USP54: variants seen among roughly 807,000 people sequenced by gnomAD.
USP54 encodes ubiquitin carboxyl-terminal hydrolase 54.
A neutral mutation model predicts 170.5 loss-of-function variants in USP54; 87 were observed. The observed-to-expected ratio is 0.51, with a 90% CI of 0.43 to 0.61. USP54 has a LOEUF of 0.61. Ranked by LOEUF, USP54 falls within the 20% of genes least tolerant of loss-of-function variation. The pLI, the probability that USP54 is intolerant of heterozygous loss-of-function variation, is 0.00. For synonymous variants in USP54, 655 were observed against 742.8 expected (o/e 0.88, Z 1.92); for missense variants, 1,786 against 2,047.8 (o/e 0.87, Z 2.47).
intron 23 of USP54, 86 bp downstream of exon 23, chr10:73,500,568 CT>C: frequency 2.3e-6 from 3 of 1,311,424 alleles, no homozygotes; most frequent in Admixed American, 2.6e-5. Context: ...GGATACCCCC[CT>C]CCCCATAGGT....
intron 4 of USP54, among the ~76,000 whole-genome samples, chr10:73,567,790 T>G (rs1194609949): frequency 1.3e-5 from 2 of 152,248 alleles, no homozygotes; most frequent in African/African-American, 4.8e-5. Context: ...TCATATCATC[T>G]GCAAATAATG....
At chr10:73,577,087 C>T (rs1454392899) in intron 1 of USP54, among the ~76,000 whole-genome samples, 1 of 152,138 alleles carries the variant, frequency 6.6e-6, no homozygotes, top group Non-Finnish European at 1.5e-5. Context: ...AGAGTAATAC[C>T]AAAGCAAGTA....
At chr10:73,544,518 A>G (rs1035063422) in intron 5 of USP54, among the ~76,000 whole-genome samples, 1 of 152,128 alleles carries the variant, frequency 6.6e-6, no homozygotes, top group Admixed American at 6.6e-5. Flanking sequence ...CATGTCCAGG[A>G]ATGTAATTGC....
chr10:73,517,669 G>C lies in USP54; in HGVS notation c.2757C>G (p.Ala919=). Reference sequence around the variant, plus strand: ...AAGCAGGTGAATGGAAGAAAGAACTGGCCCCAAACTCTGTATCCATGCCGG... The same window carrying C: ...AAGCAGGTGAATGGAAGAAAGAACTCGCCCCAAACTCTGTATCCATGCCGG... ...LESGMDTEFG[A]SSFFHSPASC... Residue 919 remains alanine, a synonymous_variant, in exon 20 of 24, where the codon GCC becomes GCG. Transcript: ENST00000687698. The C allele has an allele frequency of 6.2e-7, 1 of 1,614,178 alleles. No individual in the cohort carries two copies. The highest frequency in any genetic ancestry group is 8.5e-7 in the Non-Finnish European group (1 of 1,180,036).
intron 22 of USP54, among the ~76,000 whole-genome samples, chr10:73,501,940 A>G (rs924309501): frequency 3.3e-5 from 5 of 152,100 alleles, no homozygotes; most frequent in Admixed American, 1.3e-4. Context: ...CAAAAAAACC[A>G]CTATTACCTC....
chr10:73,583,755 T>TA (rs577232389), intron 1 of USP54, among the ~76,000 whole-genome samples: 40 of 140,798 alleles, frequency 2.8e-4, no homozygotes, highest in Non-Finnish European at 3.4e-4. Context: ...TCTTTAAAAA[T>TA]AAAAAAAAAA....
intron 1 of USP54, among the ~76,000 whole-genome samples, chr10:73,601,710 A>G (rs761256393): frequency 6.6e-6 from 1 of 152,182 alleles, no homozygotes; most frequent in African/African-American, 2.4e-5. Context: ...TTGTATGTTT[A>G]AAGTGACACC....
intron 4 of USP54, among the ~76,000 whole-genome samples, chr10:73,555,157 T>C (rs980890667): frequency 6.6e-6 from 1 of 152,200 alleles, no homozygotes; most frequent in African/African-American, 2.4e-5. Context: ...CAAAAGTTAT[T>C]AATGTCTTAA....
At chr10:73,598,173 A>G (rs778166799) in intron 1 of USP54, among the ~76,000 whole-genome samples, 16 of 152,222 alleles carry the variant, frequency 1.1e-4, no homozygotes, top group Non-Finnish European at 2.1e-4. Context: ...GTTCAGTACT[A>G]TTCATGGTTC....
chr10:73,560,663 C>CAA (rs751168962), intron 4 of USP54, among the ~76,000 whole-genome samples: 645 of 16,462 alleles, frequency 0.039, 114 homozygotes, highest in African/African-American at 0.12. Context: ...AACTCCGTCT[C>CAA]AAAAAAAAAA....
Position 73,498,836 on chromosome 10 carries a change from T to G in USP54, c.4848A>C (p.Ser1616=). 6.2e-7 allele frequency: 1 copy of G among 1,611,350 alleles called. No homozygotes were observed. Among genetic ancestry groups the G allele is most frequent in the Non-Finnish European group, 8.5e-7 (1 of 1,178,702 alleles). ...CTGGAACAGGATCTGAATTCCAAGC[T>G]GACCTCAGGGGTACATGAAGACTGC... ...PSSSLHVPLR[S]AWNSDPVPGS... The change falls in exon 24 of 24, where the codon TCA becomes TCC. Residue 1616 remains serine (S), a synonymous_variant. Coordinates refer to ENST00000687698, the MANE Select transcript of USP54 (RefSeq NM_001391956.1).
chr10:73,567,735 A>G (rs1211493070), intron 4 of USP54, among the ~76,000 whole-genome samples: 1 of 152,046 alleles, frequency 6.6e-6, no homozygotes, highest in African/African-American at 2.4e-5. Flanking sequence ...ATACTCTCTC[A>G]TTGCTGCTTC....
intron 9 of USP54, 145 bp from the exon 10 acceptor site, chr10:73,539,738 AATC>A: frequency 4.3e-6 from 4 of 933,122 alleles, no homozygotes; most frequent in Non-Finnish European, 6.1e-6. Flanking sequence ...AGTTTAGATT[AATC>A]ATCAGAATTT....
chr10:73,516,238 G>C (rs1321460996), intron 20 of USP54, 137 bp downstream of exon 20: 5 of 1,013,542 alleles, frequency 4.9e-6, no homozygotes, highest in Non-Finnish European at 5.7e-6. Flanking sequence ...AAGGCTTTCT[G>C]AGTAAAGTCA....
Position 73,498,830 on chromosome 10 carries a change from C to A in USP54, c.4854G>T (p.Trp1618Cys). ...GGGACCCTGGAACAGGATCTGAATTCCAAGCTGACCTCAGGGGTACATGAA... is the reference window on the plus strand; with the variant it reads ...GGGACCCTGGAACAGGATCTGAATTACAAGCTGACCTCAGGGGTACATGAA... ...SSLHVPLRSA[W>C]NSDPVPGSRT... Residue 1618 changes from tryptophan to cysteine, a missense_variant, in exon 24 of 24, where the codon TGG (tryptophan) becomes TGT (cysteine). Physicochemically the swap from Trp to Cys is radical, Grantham distance 215. Transcript: ENST00000687698. The A allele has an allele frequency of 6.2e-7, 1 of 1,612,584 alleles. No homozygotes were observed. The highest frequency in any genetic ancestry group is 1.3e-5 in the African/African-American group (1 of 74,892).
intron 22 of USP54, 89 bp from the exon 23 acceptor site, chr10:73,500,927 G>A: frequency 4.4e-6 from 6 of 1,376,984 alleles, no homozygotes; most frequent in Non-Finnish European, 5.8e-6. Context: ...GCAAGCAAAG[G>A]GAAATGGAGG....
chr10:73,518,718 A>ATT (rs772422371), intron 19 of USP54: 193 of 130,904 alleles, frequency 1.5e-3, no homozygotes, highest in East Asian at 7.3e-3. Context: ...TAGACCTGCA[A>ATT]TTTTTTTTTT....
In USP54 at chr10:73,516,399, C is replaced by T. The variant is rs550276020; in HGVS notation, c.4027G>A (p.Ala1343Thr). The T allele has an allele frequency of 2.7e-5, 43 of 1,612,406 alleles. No homozygotes were observed. The highest frequency in any genetic ancestry group is 1.7e-4 in the Middle Eastern group (1 of 5,956). Reference protein sequence around the residue: ...GCSGWGQQDTAWHPLSQTGSA... With the variant: ...GCSGWGQQDTTWHPLSQTGSA... ...CCTGTTTGGCTAAGTGGGTGCCAGG[C>T]GGTATCCTGCTGCCCCCATCCAGAA... Residue 1343 changes from alanine (A) to threonine (T), a missense_variant, in exon 20 of 24, where the codon GCC becomes ACC. Physicochemically the swap from Ala to Thr is moderately conservative, Grantham distance 58. Around this residue, in one of 3 missense-constraint regions of USP54, gnomAD observed 1,418 missense variants for 1,569.0 expected, o/e 0.90. Coordinates refer to ENST00000687698, the MANE Select transcript of USP54 (RefSeq NM_001391956.1).
chr10:73,510,229 G>A (rs903101259), intron 20 of USP54, among the ~76,000 whole-genome samples: 4 of 152,004 alleles, frequency 2.6e-5, no homozygotes, highest in Admixed American at 2.6e-4. Flanking sequence ...CAGCTACTTG[G>A]GAGGCTGAGG....
Sources: gnomAD v4.1 joint callset for allele counts (sites outside exome capture counted in the v4.1 genomes callset) on GRCh38, gnomAD v4.1.1 for gene constraint, gnomAD v4.1.1 regional missense constraint, MANE v1.5 for transcripts, NCBI Gene and HGNC (gene_info 2026-07-23, HGNC 2026-07-21) for gene names.